MAGI2: variants seen among roughly 807,000 people sequenced by gnomAD.
MAGI2 encodes the protein membrane associated guanylate kinase, WW and PDZ domain containing 2.
A neutral mutation model predicts 133.3 loss-of-function variants in MAGI2; 35 were observed. The ratio of observed to expected loss-of-function variants is 0.26; its 90% confidence interval spans 0.20 to 0.35. The LOEUF (loss-of-function observed/expected upper bound fraction) is 0.35, where lower values mean the gene tolerates loss of function less well. MAGI2 is among the 10% of genes least tolerant of loss of function. The pLI is 1.00. For missense variants in MAGI2, 1,636 were observed against 1,863.4 expected (o/e 0.88, Z 2.25); for synonymous variants, 729 against 710.6 (o/e 1.03, Z -0.41).
At chr7:79,071,694 C>T (rs1047263710) in intron 1 of MAGI2, among the ~76,000 whole-genome samples, 1 of 151,928 alleles carries the variant, frequency 6.6e-6, no homozygotes, top group Admixed American at 6.6e-5. Flanking sequence ...AGTCTGGCTG[C>T]CGCGGCCTTA....
At position 78,557,080 on chromosome 7, in the gene MAGI2, C is replaced by CAAAAAA. The variant is rs796371005; in HGVS notation, c.539-35441_539-35436dup. 4.8e-3 allele frequency among the ~76,000 whole-genome samples: 188 copies of CAAAAAA among 39,186 alleles called. 2 individuals carry two copies. The highest frequency in any genetic ancestry group is 5.8e-3 in the African/African-American group (49 of 8,454). 25.7% of individuals were successfully genotyped at this position (39,186 alleles called of 152,430 possible). On this transcript the variant is annotated intron_variant, in intron 3 of 21. Coordinates refer to ENST00000354212, the MANE Select transcript of MAGI2 (RefSeq NM_012301.4). The stretch of plus-strand genomic sequence containing the variant: ...TACTCCAGCCTGGGTGGCAGAGTCT[C>CAAAAAA]AAAAAAAAAAAAAAAAAAAAGAAAA...
rs548623619 is a variant in MAGI2 at position 78,232,479 on chromosome 7, G to A, written c.2047+23464C>T. Among the ~76,000 whole-genome samples the A allele has an allele frequency of 6.6e-5, 10 of 152,278 alleles. 1 individual carries two copies. The East Asian group carries it at 1.7e-3, about 26-fold the overall frequency. ...TCCGCTCAATTACCAGATAATTGTC[G>A]TATGGACTCTTAACAATCGGAGATT... On this transcript the variant is annotated intron_variant, in intron 10 of 21. Transcript: ENST00000354212.
intron 15 of MAGI2, among the ~76,000 whole-genome samples, chr7:78,160,720 T>C (rs548456599): frequency 6.6e-6 from 1 of 152,338 alleles, no homozygotes; most frequent in African/African-American, 2.4e-5. Context: ...ACCCACAGAA[T>C]GTTTTCTCAG....
At chr7:79,208,133 T>G (rs1376561077) in intron 1 of MAGI2, among the ~76,000 whole-genome samples, 1 of 151,914 alleles carries the variant, frequency 6.6e-6, no homozygotes, top group Non-Finnish European at 1.5e-5. Flanking sequence ...GGGCAATAAC[T>G]TTTTAAATAG....
chr7:78,151,825 A>G (rs1823901498), intron 16 of MAGI2, among the ~76,000 whole-genome samples: 1 of 152,152 alleles, frequency 6.6e-6, no homozygotes, highest in South Asian at 2.1e-4. Context: ...GCGAGATGAA[A>G]CAGCTAGGTT....
intron 3 of MAGI2, among the ~76,000 whole-genome samples, chr7:78,620,625 C>G (rs941292415): frequency 1.3e-5 from 2 of 151,782 alleles, no homozygotes. Context: ...ATACTAGGGT[C>G]CACGATTATA....
chr7:78,629,438 C>T (rs1283359577), intron 2 of MAGI2, among the ~76,000 whole-genome samples: 2 of 152,128 alleles, frequency 1.3e-5, no homozygotes, highest in Non-Finnish European at 2.9e-5. Context: ...TCTCTAGTCC[C>T]TGATCTCTTG....
At chr7:78,090,696 CA>C (rs1554443623) in intron 20 of MAGI2, among the ~76,000 whole-genome samples, 28 of 151,540 alleles carry the variant, frequency 1.8e-4, no homozygotes, top group Non-Finnish European at 2.1e-4. Flanking sequence ...ATGAAGAAGG[CA>C]AAAAAAATGT....
Position 78,640,731 on chromosome 7 carries a change from T to C in MAGI2, c.419-13492A>G, listed in dbSNP as rs999587589. On this transcript the variant is annotated intron_variant, in intron 2 of 21. Coordinates refer to ENST00000354212, the MANE Select transcript of MAGI2 (RefSeq NM_012301.4). The stretch of plus-strand genomic sequence containing the variant: ...TGGTAGGGTGATGGTGCTCTGACTT[T>C]CAGACCCAAAGTATTAAGTATCACT... 2.0e-5 allele frequency among the ~76,000 whole-genome samples: 3 copies of C among 152,306 alleles called. No homozygotes were observed. In the South Asian group the frequency reaches 6.2e-4, roughly 32 times the overall value.
intron 16 of MAGI2, among the ~76,000 whole-genome samples, chr7:78,153,905 T>C (rs1196852238): frequency 6.6e-6 from 1 of 152,214 alleles, no homozygotes; most frequent in African/African-American, 2.4e-5. Flanking sequence ...GGAGTGAGCC[T>C]TGGGCTCATT....
At chr7:78,211,618 A>G (rs1375783438) in intron 10 of MAGI2, among the ~76,000 whole-genome samples, 1 of 152,226 alleles carries the variant, frequency 6.6e-6, no homozygotes, top group African/African-American at 2.4e-5. Flanking sequence ...AGATAATAAC[A>G]AACTATTTTA....
intron 13 of MAGI2, among the ~76,000 whole-genome samples, chr7:78,184,965 G>A (rs1827547617): frequency 6.6e-6 from 1 of 152,042 alleles, no homozygotes; most frequent in Admixed American, 6.6e-5. Flanking sequence ...TCCGTTCTTT[G>A]GAAATGTCTA....
At chr7:79,291,678 C>T (rs1259772863) in intron 1 of MAGI2, among the ~76,000 whole-genome samples, 7 of 152,104 alleles carry the variant, frequency 4.6e-5, no homozygotes, top group African/African-American at 1.7e-4. Flanking sequence ...ATATTGAGCA[C>T]CTTTTCACAT....
intron 1 of MAGI2, among the ~76,000 whole-genome samples, chr7:79,238,983 G>C (rs1194747305): frequency 6.6e-6 from 1 of 152,078 alleles, no homozygotes; most frequent in African/African-American, 2.4e-5. Flanking sequence ...GAAAATGAAT[G>C]ATCATTTTAG....
intron 9 of MAGI2, among the ~76,000 whole-genome samples, chr7:78,319,228 T>A (rs1787738555): frequency 6.6e-6 from 1 of 152,174 alleles, no homozygotes; most frequent in Non-Finnish European, 1.5e-5. Flanking sequence ...CCCCATCTCA[T>A]GTGCAAAGAC....
intron 1 of MAGI2, among the ~76,000 whole-genome samples, chr7:79,437,594 C>T (rs1848235670): frequency 1.3e-5 from 2 of 151,940 alleles, no homozygotes; most frequent in African/African-American, 2.4e-5. Flanking sequence ...CTAGTACAAC[C>T]TAGAGAAAAG....
intron 9 of MAGI2, among the ~76,000 whole-genome samples, chr7:78,303,284 C>T (rs1349682366): frequency 6.9e-6 from 1 of 144,964 alleles, no homozygotes; most frequent in Admixed American, 7.5e-5. Flanking sequence ...GAAGTTGAGA[C>T]AGGAGAATCT....
At chr7:78,333,744 G>A (rs115408333) in intron 9 of MAGI2, among the ~76,000 whole-genome samples, 1,823 of 152,288 alleles carry the variant, frequency 0.012, 47 homozygotes, top group African/African-American at 0.041. Flanking sequence ...GGCATGAAGC[G>A]TGAGTGAAGC....
rs573817537 is a variant in MAGI2, at chr7:78,236,743, T to G, written c.2047+19200A>C. 8.2e-4 allele frequency among the ~76,000 whole-genome samples: 125 copies of G among 152,224 alleles called. 2 individuals carry two copies. In the South Asian group the frequency reaches 0.025, roughly 31 times the overall value. On this transcript the variant is annotated intron_variant, in intron 10 of 21. Transcript: ENST00000354212. ...AACAGGTTAATACAAAATTGATAATTAACAATTATATCCTGTGTATTAGTC... is the reference window on the plus strand; with the variant it reads ...AACAGGTTAATACAAAATTGATAATGAACAATTATATCCTGTGTATTAGTC...
Sources: gnomAD v4.1 joint callset for allele counts (sites outside exome capture counted in the v4.1 genomes callset) on GRCh38, gnomAD v4.1.1 for gene constraint, MANE v1.5 for transcripts, NCBI Gene and HGNC (gene_info 2026-07-23, HGNC 2026-07-21) for gene names.